Variants in NSD1 observed in about 807,000 individuals in gnomAD.
NSD1 encodes nuclear receptor binding SET domain protein 1, also known as histone-lysine N-methyltransferase, H3 lysine-36 specific.
In NSD1, 26 loss-of-function variants were observed where a neutral mutation model predicts 242.7. The observed-to-expected ratio is 0.11, with a 90% confidence interval of 0.08 to 0.15. The LOEUF is 0.15. NSD1 is among the 10% of genes least tolerant of loss of function. NSD1 has a pLI of 1.00. For missense variants in NSD1, 2,495 were observed against 3,272.8 expected (o/e 0.76, Z 5.80); for synonymous variants, 1,106 against 1,178.1 (o/e 0.94, Z 1.25).
intron 2 of NSD1, chr5:177,137,539 G>C (rs771800659): frequency 6.6e-6 from 1 of 152,170 alleles, no homozygotes; most frequent in Non-Finnish European, 1.5e-5. Context: ...ATTTGCTTTA[G>C]TGGTTATCTT....
At chr5:177,224,115 T>C (rs573784233) in intron 5 of NSD1, among the ~76,000 whole-genome samples, 1 of 152,372 alleles carries the variant, frequency 6.6e-6, no homozygotes, top group South Asian at 2.1e-4. Context: ...TTTTTAACTT[T>C]ACCCTTTTTC....
chr5:177,280,725 G>A lies in NSD1; in HGVS notation c.5783G>A (p.Gly1928Glu). Reference protein sequence around the residue: ...YECHPTVCPAGGRCQNQCFSK... With the variant: ...YECHPTVCPAEGRCQNQCFSK... Reference sequence around the variant, plus strand: ...TGCCACCCCACAGTGTGTCCTGCCGGAGGGCGCTGTCAAAACCAGTGCTTT... The same window carrying A: ...TGCCACCCCACAGTGTGTCCTGCCGAAGGGCGCTGTCAAAACCAGTGCTTT... Residue 1928 changes from glycine to glutamate, a missense_variant, in exon 18 of 23, where the codon GGA (glycine) becomes GAA (glutamate). Coordinates refer to ENST00000439151, the MANE Select transcript of NSD1 (RefSeq NM_022455.5). 1 of 1,614,250 alleles carries A rather than the reference G, an allele frequency of 6.2e-7. No homozygotes were observed. The highest frequency in any genetic ancestry group is 2.2e-5 in the East Asian group (1 of 44,886).
At chr5:177,234,571 C>T (rs1454603675) in intron 5 of NSD1, among the ~76,000 whole-genome samples, 1 of 152,054 alleles carries the variant, frequency 6.6e-6, no homozygotes, top group African/African-American at 2.4e-5. Context: ...ACAAAATTAG[C>T]TGGGTGTGGT....
At position 177,269,732 on chromosome 5, in the gene NSD1, G is replaced by A; in HGVS notation, c.5434G>A (p.Val1812Ile). Reference sequence around the variant, plus strand: ...CTATTTGTGGACTCACCAGGCCCGAGTCTTCCCTTACATGGAGGGTGACGT... The same window carrying A: ...CTATTTGTGGACTCACCAGGCCCGAATCTTCCCTTACATGGAGGGTGACGT... The part of the protein sequence containing the change: ...NDYLWTHQAR[V>I]FPYMEGDVSS... Residue 1812 changes from valine (V) to isoleucine (I), a missense_variant, in exon 16 of 23, where the codon GTC becomes ATC. Val to Ile is a conservative substitution (Grantham distance 29). Around this residue, in one of 19 missense-constraint regions of NSD1, gnomAD observed 114 missense variants for 247.4 expected, o/e 0.46. Transcript: ENST00000439151. This position sits in a 1 kb window ranked among gnomAD's most constrained non-coding sequence, Gnocchi z 5.1. 5 of 1,614,086 alleles carry A rather than the reference G, an allele frequency of 3.1e-6. No individual in the cohort carries two copies. The highest frequency in any genetic ancestry group is 4.2e-6 in the Non-Finnish European group (5 of 1,180,018).
At position 177,257,884 on chromosome 5, in the gene NSD1, T is replaced by G. The variant is rs185973374; in HGVS notation, c.4966+733T>G. 4.1e-3 allele frequency among the ~76,000 whole-genome samples: 609 copies of G among 149,558 alleles called. 6 individuals are homozygous for G. The highest frequency in any genetic ancestry group is 0.014 in the African/African-American group (583 of 40,802). On this transcript the variant is annotated intron_variant, in intron 13 of 22. Transcript: ENST00000439151. ...AGTCTTGCTCTGTCACCCAGTCTCC[T>G]CGATCTCCTGACCTCGTGAGCCACT...
At chr5:177,185,795 A>ATATATATT (rs376503888) in intron 2 of NSD1, among the ~76,000 whole-genome samples, 21,906 of 88,094 alleles carry the variant, frequency 0.25, 3,691 homozygotes, top group East Asian at 0.47. Context: ...TATATTATAT[A>ATATATATT]TATATATATA....
intron 8 of NSD1, among the ~76,000 whole-genome samples, chr5:177,241,750 T>C (rs1027616980): frequency 6.6e-6 from 1 of 152,162 alleles, no homozygotes. Context: ...TGTCCTGCCA[T>C]CTGACCTGGC....
chr5:177,257,224 CTTTCTTT>C, intron 13 of NSD1, 73 bp downstream of exon 13: 6 of 896,772 alleles, frequency 6.7e-6, no homozygotes, highest in African/African-American at 3.6e-5. Flanking sequence ...TTTCTTTTTT[CTTTCTTT>C]TTTTTTTTTT....
rs952459264 is a variant in NSD1, at chr5:177,297,515, G to A, written c.*2056G>A. 1 of 232,098 alleles carries A rather than the reference G, an allele frequency of 4.3e-6. No homozygotes were observed. The highest frequency in any genetic ancestry group is 2.2e-5 in the African/African-American group (1 of 45,166). The allele number at this position is 232,098 out of a possible 1,614,324, so 14.4% of individuals were successfully genotyped here. A position where few individuals can be genotyped will look rare whatever the true frequency, so the allele number is the denominator to read the frequency against. On this transcript the variant is annotated 3_prime_UTR_variant, in exon 23 of 23. Transcript: ENST00000439151. ...AGGTCATATGAGTAGGGTTTGCTTGGTGCCAGTCCTGTGCCCTTTTCTCTC... is the reference window on the plus strand; with the variant it reads ...AGGTCATATGAGTAGGGTTTGCTTGATGCCAGTCCTGTGCCCTTTTCTCTC...
chr5:177,282,420 A>G (rs2127260186), intron 18 of NSD1, 45 bp from the exon 19 acceptor site: 1 of 1,146,342 alleles, frequency 8.7e-7, no homozygotes. Context: ...TTTGGATACC[A>G]GTGTCCTTTT....
At chr5:177,157,270 G>A (rs1158613162) in intron 2 of NSD1, among the ~76,000 whole-genome samples, 1 of 152,086 alleles carries the variant, frequency 6.6e-6, no homozygotes, top group African/African-American at 2.4e-5. Context: ...GGAGGCTGAG[G>A]TAGGAGAATT....
chr5:177,184,182 T>C (rs767099034), intron 2 of NSD1, among the ~76,000 whole-genome samples: 18 of 152,184 alleles, frequency 1.2e-4, no homozygotes, highest in Middle Eastern at 3.2e-3. Flanking sequence ...GGTAGCTCTA[T>C]TTTTAGTTTT....
At chr5:177,230,908 A>G (rs1765005480) in intron 5 of NSD1, among the ~76,000 whole-genome samples, 1 of 151,576 alleles carries the variant, frequency 6.6e-6, no homozygotes, top group African/African-American at 2.4e-5. Context: ...ACTGTCTAGG[A>G]TTGAGATCCA....
intron 12 of NSD1, among the ~76,000 whole-genome samples, chr5:177,254,088 C>T (rs1756226401): frequency 6.6e-6 from 1 of 152,126 alleles, no homozygotes; most frequent in Admixed American, 6.5e-5. Flanking sequence ...GCTGGGATTA[C>T]AGGCATGTGC....
rs187672028 is a variant in NSD1 at position 177,180,054 on chromosome 5, A to G, written c.928-11830A>G. Among the ~76,000 whole-genome samples the G allele has an allele frequency of 3.2e-3, 486 of 150,000 alleles. 3 individuals are homozygous for G. Among genetic ancestry groups the G allele is most frequent in the African/African-American group, 0.011 (453 of 40,864 alleles). On this transcript the variant is annotated intron_variant, in intron 2 of 22. Coordinates refer to ENST00000439151, the MANE Select transcript of NSD1 (RefSeq NM_022455.5). ...TAGCTGGGATTACAGGCACCTGCCA[A>G]CACGCCTGGCTAATTTTTGTTTTTT... is the stretch of plus-strand genomic sequence containing the variant.
At chr5:177,189,107 G>A (rs2149817483) in intron 2 of NSD1, among the ~76,000 whole-genome samples, 1 of 152,262 alleles carries the variant, frequency 6.6e-6, no homozygotes, top group South Asian at 2.1e-4. Flanking sequence ...CTAGAATTAG[G>A]AATTATAGGA....
At chr5:177,181,427 G>GTTTTTTTTTTTTTTTTTTT (rs34848476) in intron 2 of NSD1, among the ~76,000 whole-genome samples, 2 of 117,334 alleles carry the variant, frequency 1.7e-5, no homozygotes, top group Non-Finnish European at 3.4e-5. Context: ...TTTTTTTTTG[G>GTTTTTTTTTTTTTTTTTTT]TTTTTTTTTT....
intron 2 of NSD1, among the ~76,000 whole-genome samples, chr5:177,182,146 C>T (rs550124635): frequency 2.9e-5 from 4 of 137,960 alleles, no homozygotes; most frequent in East Asian, 2.5e-4. Flanking sequence ...AGTGAGACTC[C>T]GTCTCAAAAA....
At chr5:177,267,445 T>C in intron 14 of NSD1, 117 bp from the exon 15 acceptor site, 2 of 867,866 alleles carry the variant, frequency 2.3e-6, no homozygotes, top group Non-Finnish European at 3.7e-6. Context: ...GATAATGTTT[T>C]TATTTAGTAT....
Sources: allele counts gnomAD v4.1 joint callset (sites outside exome capture counted in the v4.1 genomes callset), GRCh38; gene constraint gnomAD v4.1.1; regional missense constraint gnomAD v4.1.1; non-coding constraint Gnocchi (gnomAD v3.1); transcripts MANE v1.5; gene names NCBI Gene and HGNC (gene_info 2026-07-23, HGNC 2026-07-21).